ADAM18: variants seen among roughly 807,000 people sequenced by gnomAD.
The protein encoded by ADAM18 is disintegrin and metalloproteinase domain-containing protein 18.
ADAM18 carries 117 observed loss-of-function variants against 94.4 expected under a neutral mutation model. The ratio of observed to expected loss-of-function variants is 1.24; its 90% CI spans 1.07 to 1.45. ADAM18 has a LOEUF of 1.45. Among genes scored for constraint, ADAM18 ranks in the 40% most tolerant of loss-of-function variants. ADAM18 has a pLI of 0.00. For missense variants in ADAM18, 936 were observed against 880.0 expected (o/e 1.06, Z -0.81); for synonymous variants, 327 against 291.6 (o/e 1.12, Z -1.24).
intron 2 of ADAM18, among the ~76,000 whole-genome samples, chr8:39,597,106 TTG>T (rs1818766340): frequency 6.6e-6 from 1 of 152,166 alleles, no homozygotes; most frequent in East Asian, 1.9e-4. Context: ...GTTTAGGTTT[TTG>T]TCTCTTTTTA....
intron 9 of ADAM18, 26 bp downstream of exon 9, chr8:39,637,729 A>G: frequency 6.7e-7 from 1 of 1,495,926 alleles, no homozygotes; most frequent in Non-Finnish European, 8.9e-7. Flanking sequence ...TACATTAATA[A>G]AGATATCTGC....
intron 12 of ADAM18, among the ~76,000 whole-genome samples, chr8:39,662,259 A>C (rs1820862029): frequency 6.6e-6 from 1 of 152,128 alleles, no homozygotes; most frequent in Non-Finnish European, 1.5e-5. Flanking sequence ...ACACACACAT[A>C]CATTTATACA....
At chr8:39,720,127 A>G (rs1323431283) in intron 18 of ADAM18, among the ~76,000 whole-genome samples, 1 of 151,570 alleles carries the variant, frequency 6.6e-6, no homozygotes, top group Non-Finnish European at 1.5e-5. Context: ...TCAAATAATA[A>G]AAAGAAATAA....
intron 14 of ADAM18, among the ~76,000 whole-genome samples, chr8:39,676,628 C>T (rs2129580450): frequency 6.6e-6 from 1 of 152,262 alleles, no homozygotes; most frequent in African/African-American, 2.4e-5. Context: ...CGCCCTGCTT[C>T]AGCTCGCCTT....
At chr8:39,589,761 T>G (rs1047982895) in intron 2 of ADAM18, among the ~76,000 whole-genome samples, 1 of 152,174 alleles carries the variant, frequency 6.6e-6, no homozygotes, top group Non-Finnish European at 1.5e-5. Context: ...CTGAGTCATA[T>G]TCTACACTTT....
At chr8:39,647,745 A>G (rs1057040514) in intron 11 of ADAM18, among the ~76,000 whole-genome samples, 1 of 152,232 alleles carries the variant, frequency 6.6e-6, no homozygotes, top group Non-Finnish European at 1.5e-5. Flanking sequence ...ACTTTTACCA[A>G]GCATACTGCT....
rs1819174953 is a variant in ADAM18 at position 39,608,911 on chromosome 8, AAT to A, written c.189-130_189-129del. The A allele has an allele frequency of 8.1e-6, 5 of 620,150 alleles. No homozygotes were observed. The East Asian group carries it at 1.5e-4, about 19-fold the overall frequency. 38.4% of individuals were successfully genotyped at this position (620,150 alleles called of 1,614,324 possible). ...AATTTCAACTGTTATGCCTCACTAAAATCACTCAATTAAATCATGCCATTATA... is the reference window on the plus strand; with the variant it reads ...AATTTCAACTGTTATGCCTCACTAAACACTCAATTAAATCATGCCATTATA... On this transcript the variant is annotated intron_variant, in intron 3 of 19. Coordinates refer to ENST00000265707, the MANE Select transcript of ADAM18 (RefSeq NM_014237.3).
intron 19 of ADAM18, among the ~76,000 whole-genome samples, chr8:39,724,272 G>T (rs979980553): frequency 5.9e-5 from 9 of 151,588 alleles, no homozygotes; most frequent in Non-Finnish European, 5.9e-5. Context: ...CAGATTTTCT[G>T]TTCTTTATTA....
At chr8:39,674,453 T>G (rs1426126653) in intron 14 of ADAM18, among the ~76,000 whole-genome samples, 2 of 152,204 alleles carry the variant, frequency 1.3e-5, no homozygotes, top group Non-Finnish European at 2.9e-5. Flanking sequence ...CCCCTGCTTT[T>G]TTTTGCTTTC....
At position 39,610,603 on chromosome 8, in the gene ADAM18, T is replaced by G; in HGVS notation, c.419T>G (p.Ile140Ser). 6.2e-7 allele frequency: 1 copy of G among 1,612,902 alleles called. No individual in the cohort carries two copies. Among genetic ancestry groups the G allele is most frequent in the Non-Finnish European group, 8.5e-7 (1 of 1,179,248 alleles). ...VESSARFEHI[I>S]YQMKNNDPNV... The stretch of plus-strand genomic sequence containing the variant: ...TCTTCAGCAAGATTTGAGCATATAA[T>G]TTATCAAATGAAAAATAATGATCCA... The change falls in exon 6 of 20, where the codon ATT (isoleucine) becomes AGT (serine). Residue 140 changes from isoleucine (I) to serine (S), a missense_variant. Transcript: ENST00000265707.
intron 14 of ADAM18, among the ~76,000 whole-genome samples, chr8:39,669,436 G>A (rs1299051688): frequency 6.7e-6 from 1 of 148,692 alleles, no homozygotes; most frequent in Non-Finnish European, 1.5e-5. Context: ...TTAGCATTAG[G>A]TATATCTCCT....
chr8:39,587,932 C>T (rs546479844), intron 2 of ADAM18, among the ~76,000 whole-genome samples: 2 of 152,144 alleles, frequency 1.3e-5, no homozygotes, highest in African/African-American at 2.4e-5. Flanking sequence ...TTTATGCATT[C>T]ATGTCATTGA....
At chr8:39,706,521 T>G (rs560543703) in intron 17 of ADAM18, among the ~76,000 whole-genome samples, 2 of 152,286 alleles carry the variant, frequency 1.3e-5, no homozygotes, top group South Asian at 4.1e-4. Flanking sequence ...TATTAAATCT[T>G]ATTTTTTAAA....
rs118142106 is a variant in ADAM18 at position 39,657,613 on chromosome 8, G to C, written c.1231-6182G>C. On this transcript the variant is annotated intron_variant, in intron 12 of 19. Coordinates refer to ENST00000265707, the MANE Select transcript of ADAM18 (RefSeq NM_014237.3). ...TTACAGACGTGAGCCACAGTGCCTGGCCTAGTTACTAAAAAGGGGTTAAAG... is the reference window on the plus strand; with the variant it reads ...TTACAGACGTGAGCCACAGTGCCTGCCCTAGTTACTAAAAAGGGGTTAAAG... Among the ~76,000 whole-genome samples the C allele has an allele frequency of 2.5e-3, 374 of 152,240 alleles. 1 individual carries two copies. Among genetic ancestry groups the C allele is most frequent in the Non-Finnish European group, 3.8e-3 (259 of 68,002 alleles).
At chr8:39,702,833 A>T (rs373385654) in intron 17 of ADAM18, among the ~76,000 whole-genome samples, 4 of 152,142 alleles carry the variant, frequency 2.6e-5, no homozygotes, top group African/African-American at 9.6e-5. Context: ...GCTGTTCCAT[A>T]GGTCTATGTG....
intron 11 of ADAM18, among the ~76,000 whole-genome samples, chr8:39,646,338 A>G (rs1820375168): frequency 6.6e-6 from 1 of 152,126 alleles, no homozygotes; most frequent in Non-Finnish European, 1.5e-5. Flanking sequence ...CATAATGAAA[A>G]TTAAACATAA....
chr8:39,729,374 T>C (rs1344619567), intron 19 of ADAM18, among the ~76,000 whole-genome samples: 3 of 152,154 alleles, frequency 2.0e-5, no homozygotes, highest in Non-Finnish European at 4.4e-5. Context: ...ATAAGGAAAT[T>C]GTGAAAAAAT....
chr8:39,663,173 G>A (rs559964669), intron 12 of ADAM18, among the ~76,000 whole-genome samples: 15 of 152,118 alleles, frequency 9.9e-5, no homozygotes, highest in Non-Finnish European at 2.1e-4. Context: ...ATATGTTTTG[G>A]TGTTGGTAAC....
chr8:39,689,877 C>T (rs1218191202), intron 16 of ADAM18, among the ~76,000 whole-genome samples: 1 of 152,080 alleles, frequency 6.6e-6, no homozygotes, highest in Non-Finnish European at 1.5e-5. Context: ...TTTCTTTGAG[C>T]AGCGTTTTGT....
Sources: allele counts gnomAD v4.1 joint callset (sites outside exome capture counted in the v4.1 genomes callset), GRCh38; gene constraint gnomAD v4.1.1; transcripts MANE v1.5; gene names NCBI Gene and HGNC (gene_info 2026-07-23, HGNC 2026-07-21).